Variants in TTC6 observed in about 807,000 individuals in gnomAD.
The protein encoded by TTC6 is tetratricopeptide repeat domain 6, also known as tetratricopeptide repeat protein 6.
TTC6 carries 172 observed loss-of-function variants against 210.4 expected under a neutral mutation model. The observed-to-expected ratio is 0.82, with a 90% CI of 0.72 to 0.93. The LOEUF (loss-of-function observed/expected upper bound fraction) is 0.93, where lower values mean the gene tolerates loss of function less well. TTC6 is among the 40% of genes least tolerant of loss of function. The pLI is 0.00. For synonymous variants in TTC6, 804 were observed against 819.6 expected, an observed-to-expected ratio of 0.98 and a Z score of 0.32; for missense variants, 2,414 against 2,318.1, an observed-to-expected ratio of 1.04 and a Z score of -0.85.
intron 2 of TTC6, among the ~76,000 whole-genome samples, chr14:37,607,073 G>A (rs951904897): frequency 1.3e-5 from 2 of 152,168 alleles, no homozygotes; most frequent in African/African-American, 2.4e-5. Context: ...TTTAGAAAAG[G>A]AATGGCTCTG....
intron 1 of TTC6, among the ~76,000 whole-genome samples, chr14:37,664,988 T>C (rs2095744987): frequency 6.7e-6 from 1 of 150,310 alleles, no homozygotes; most frequent in African/African-American, 2.4e-5. Flanking sequence ...TATTAAAAAG[T>C]CAAAAAACAA....
intron 1 of TTC6, among the ~76,000 whole-genome samples, chr14:37,597,987 T>C (rs1272576459): frequency 1.3e-5 from 2 of 152,172 alleles, no homozygotes; most frequent in Admixed American, 6.5e-5. Flanking sequence ...TCACTTTCCC[T>C]GAGGTTTAAA....
rs1594986733 is a variant in TTC6, at chr14:37,598,686, C to T, written c.-235+2678C>T. ...TCGGGCCTCGGGCCCCGGGCCCAGACGGCGGCCTCTCGCGGCGACAGGGTC... is the reference window on the plus strand; with the variant it reads ...TCGGGCCTCGGGCCCCGGGCCCAGATGGCGGCCTCTCGCGGCGACAGGGTC... On this transcript the variant is annotated intron_variant, in intron 1 of 2. Transcript: ENST00000556845. The surrounding 1 kb of genome is among the most constrained non-coding windows in gnomAD (Gnocchi z 4.9). 6.6e-6 allele frequency among the ~76,000 whole-genome samples: 1 copy of T among 152,138 alleles called. No homozygotes were observed. Among genetic ancestry groups the T allele is most frequent in the African/African-American group, 2.4e-5 (1 of 41,454 alleles).
intron 5 of TTC6, among the ~76,000 whole-genome samples, chr14:37,702,914 T>A (rs182704911): frequency 0.011 from 1,628 of 152,136 alleles, 18 homozygotes; most frequent in Non-Finnish European, 0.017. Context: ...CAAAAAAAAA[T>A]TTTTAGGATT....
intron 21 of TTC6, among the ~76,000 whole-genome samples, chr14:37,805,777 T>C (rs1376585920): frequency 6.6e-6 from 1 of 152,174 alleles, no homozygotes; most frequent in Non-Finnish European, 1.5e-5. Context: ...CTCGGCTCAC[T>C]GCAACCTCTG....
intron 1 of TTC6, among the ~76,000 whole-genome samples, chr14:37,651,870 A>C (rs928696013): frequency 2.2e-4 from 33 of 152,168 alleles, no homozygotes; most frequent in Admixed American, 2.1e-3. Context: ...GAGGGAGATG[A>C]AGCTGGAGAG....
chr14:37,742,925 AT>A (rs1282238455), intron 10 of TTC6, among the ~76,000 whole-genome samples: 1 of 152,180 alleles, frequency 6.6e-6, no homozygotes, highest in Non-Finnish European at 1.5e-5. Context: ...TATCCACATG[AT>A]TTCTGAAGTA....
At chr14:37,710,482 A>C (rs1020898542) in intron 5 of TTC6, among the ~76,000 whole-genome samples, 1 of 152,158 alleles carries the variant, frequency 6.6e-6, no homozygotes, top group East Asian at 1.9e-4. Context: ...AGGAGGTTCA[A>C]CTTTCACTCT....
In TTC6 at chr14:37,622,429, T is replaced by TG; in HGVS notation, c.366dup (p.Arg123AlafsTer212). 6.5e-7 allele frequency: 1 copy of TG among 1,534,950 alleles called. No individual in the cohort carries two copies. Among genetic ancestry groups the TG allele is most frequent in the South Asian group, 1.2e-5 (1 of 84,018 alleles). ...TCGTTTCGCCCCCGGGACTTTTACT[T>TG]GCGGAGCTCCGCGTTCCTACGGCAC... On this transcript the variant is annotated frameshift_variant, in exon 1 of 31. Coordinates refer to ENST00000553443, the Ensembl canonical transcript of TTC6. LOFTEE classifies it high-confidence loss of function.
At chr14:37,723,378 T>G (rs1042877235) in intron 6 of TTC6, among the ~76,000 whole-genome samples, 4 of 152,208 alleles carry the variant, frequency 2.6e-5, no homozygotes, top group Non-Finnish European at 5.9e-5. Context: ...AATATATGTG[T>G]GTACACAAAC....
intron 7 of TTC6, among the ~76,000 whole-genome samples, chr14:37,728,521 T>C (rs1240357887): frequency 6.6e-6 from 1 of 152,244 alleles, no homozygotes; most frequent in Non-Finnish European, 1.5e-5. Flanking sequence ...TCTTACTGAT[T>C]TGAAATGGTC....
chr14:37,828,153 T>G (rs2096176668), intron 29 of TTC6, among the ~76,000 whole-genome samples: 1 of 152,216 alleles, frequency 6.6e-6, no homozygotes, highest in Admixed American at 6.5e-5. Flanking sequence ...CTCTTTGGAC[T>G]TCAATTCATA....
chr14:37,732,749 C>G (rs1004498744), intron 7 of TTC6, among the ~76,000 whole-genome samples: 4 of 151,422 alleles, frequency 2.6e-5, no homozygotes. Context: ...TCCCGAGTAG[C>G]TGGGACTACA....
chr14:37,790,656 T>G (rs2096077247), intron 15 of TTC6, 61 bp from the exon 18 acceptor site: 1 of 1,373,180 alleles, frequency 7.3e-7, no homozygotes, highest in Non-Finnish European at 9.9e-7. Flanking sequence ...CAGACTAAAG[T>G]ATAATTTACC....
chr14:37,727,267 A>C lies in TTC6; in HGVS notation c.1818+2265A>C, dbSNP rs111611391. Among the ~76,000 whole-genome samples, 535 of 145,344 alleles carry C rather than the reference A, an allele frequency of 3.7e-3. 5 individuals are homozygous for C. Among genetic ancestry groups the C allele is most frequent in the African/African-American group, 0.012 (492 of 40,040 alleles). On this transcript the variant is annotated intron_variant, in intron 7 of 30. Coordinates refer to ENST00000553443, the Ensembl canonical transcript of TTC6. ...GCTTTCTGCTTTCCATAGCATGTTG[A>C]CATTCTATGTTGGTATTTTTCTAAT... is the stretch of plus-strand genomic sequence containing the variant.
chr14:37,651,044 A>C (rs2095710228), intron 1 of TTC6, among the ~76,000 whole-genome samples: 1 of 152,188 alleles, frequency 6.6e-6, no homozygotes, highest in African/African-American at 2.4e-5. Flanking sequence ...ATATAGAAGT[A>C]TTAATACTTG....
intron 14 of TTC6, among the ~76,000 whole-genome samples, chr14:37,784,443 C>G (rs185267019): frequency 7.9e-5 from 12 of 152,090 alleles, no homozygotes; most frequent in African/African-American, 2.7e-4. Flanking sequence ...GGATTACAAC[C>G]CCTGCTTTTT....
At chr14:37,778,260 G>A (rs917616507) in intron 14 of TTC6, among the ~76,000 whole-genome samples, 1 of 152,140 alleles carries the variant, frequency 6.6e-6, no homozygotes, top group Non-Finnish European at 1.5e-5. Context: ...TTGTGGCAGG[G>A]TTGGGTAGGG....
chr14:37,630,137 G>C (rs569079063), intron 1 of TTC6, among the ~76,000 whole-genome samples: 2 of 152,008 alleles, frequency 1.3e-5, no homozygotes, highest in East Asian at 3.9e-4. Flanking sequence ...AAATTTATTT[G>C]TCCTTGCTTC....
Sources: allele counts gnomAD v4.1 joint callset (sites outside exome capture counted in the v4.1 genomes callset), GRCh38; gene constraint gnomAD v4.1.1; non-coding constraint Gnocchi (gnomAD v3.1); transcripts MANE v1.5; gene names NCBI Gene and HGNC (gene_info 2026-07-23, HGNC 2026-07-21).